Variants in SIN3B observed in about 807,000 individuals in gnomAD.
SIN3B encodes the protein paired amphipathic helix protein Sin3b.
A neutral mutation model predicts 120.2 loss-of-function variants in SIN3B; 19 were observed. The observed-to-expected ratio is 0.16, with a 90% CI of 0.11 to 0.23. The LOEUF (loss-of-function observed/expected upper bound fraction) is 0.23, where lower values mean the gene tolerates loss of function less well. Among genes scored for constraint, SIN3B ranks in the 10% least tolerant of loss-of-function variants. The probability of loss-of-function intolerance (pLI) is 1.00; values close to 1 mark genes in which losing one functional copy is unlikely to be tolerated. For synonymous variants in SIN3B, 654 were observed against 653.2 expected (o/e 1.00, Z -0.02); for missense variants, 1,073 against 1,573.0 (o/e 0.68, Z 5.38).
intron 3 of SIN3B, among the ~76,000 whole-genome samples, chr19:16,835,235 T>C (rs539054292): frequency 2.1e-4 from 31 of 150,444 alleles, no homozygotes; most frequent in Admixed American, 6.6e-4. Context: ...CATCTTTTTT[T>C]TTTTTTTTTT....
At chr19:16,871,436 C>T (rs919320086) in intron 14 of SIN3B, 38 bp downstream of exon 14, 21 of 1,555,232 alleles carry the variant, frequency 1.4e-5, no homozygotes, top group African/African-American at 5.4e-5. Context: ...CTGAGGACGG[C>T]GGAAATGGCT....
chr19:16,878,750 A>G lies in SIN3B; in HGVS notation c.*23A>G. The G allele has an allele frequency of 1.3e-6, 2 of 1,568,650 alleles. No homozygotes were observed. Among genetic ancestry groups the G allele is most frequent in the Non-Finnish European group, 1.7e-6 (2 of 1,161,278 alleles). On this transcript the variant is annotated 3_prime_UTR_variant, in exon 19 of 19. Coordinates refer to ENST00000248054, the MANE Select transcript of SIN3B (RefSeq NM_001297595.2). ...TGACCCGCCCTCATGGGCACCGGGC[A>G]GGCGCCTCACAGAGCACAGACGTGC...
In SIN3B at chr19:16,857,029, A is replaced by G. The variant is rs190421003; in HGVS notation, c.1058+2768A>G. On this transcript the variant is annotated intron_variant, in intron 8 of 18. Transcript: ENST00000248054. ...CCCCAAGATAACTTTGCCATGAAGC[A>G]TCTCATTTTTATTATTATTTTTGCA... 4.7e-3 allele frequency among the ~76,000 whole-genome samples: 712 copies of G among 152,316 alleles called. 3 individuals carry two copies. Among genetic ancestry groups the G allele is most frequent in the Middle Eastern group, 0.01 (3 of 294 alleles).
rs542449788 is a variant in SIN3B, at chr19:16,875,949, C to G, written c.2593-106C>G. On this transcript the variant is annotated intron_variant, in intron 14 of 18. Coordinates refer to ENST00000248054, the MANE Select transcript of SIN3B (RefSeq NM_001297595.2). ...GGTCTCTTCATCCCTGTGTCATGCA[C>G]TCTCCATCCTGATGTGTTTCTGGCC... 150 of 1,330,726 alleles carry G rather than the reference C, an allele frequency of 1.1e-4. No homozygotes were observed. In the African/African-American group the frequency reaches 1.9e-3, roughly 17 times the overall value. The allele number at this position is 1,330,726 out of a possible 1,614,324, so 82.4% of individuals were successfully genotyped here. A position where few individuals can be genotyped will look rare whatever the true frequency, so the allele number is the denominator to read the frequency against.
chr19:16,841,924 C>T lies in SIN3B; in HGVS notation c.538C>T (p.Pro180Ser). ...GATTAAAACCCGCTTCCTAGACCAC[C>T]CAGAAATCTACAGGTCATTCCTGGA... is the stretch of plus-strand genomic sequence containing the variant. ...NKIKTRFLDH[P>S]EIYRSFLEIL... is the part of the protein sequence containing the mutation. The change falls in exon 4 of 19, where the codon CCA (proline) becomes TCA (serine). Residue 180 changes from proline (P) to serine (S), a missense_variant. Physicochemically the swap from Pro to Ser is moderately conservative, Grantham distance 74. This residue lies in a region of SIN3B where 395 missense variants were observed against 528.0 expected (regional missense o/e 0.75). Transcript: ENST00000248054. 6.2e-7 allele frequency: 1 copy of T among 1,614,076 alleles called. No homozygotes were observed. The highest frequency in any genetic ancestry group is 8.5e-7 in the Non-Finnish European group (1 of 1,180,012).
intron 3 of SIN3B, among the ~76,000 whole-genome samples, chr19:16,832,779 C>T (rs951887333): frequency 2.0e-5 from 3 of 152,132 alleles, no homozygotes; most frequent in African/African-American, 7.2e-5. Flanking sequence ...GCTGGGATTA[C>T]AGGAGTGAGC....
In SIN3B at chr19:16,877,527, G is replaced by C. The variant is rs376635711; in HGVS notation, c.2860-18G>C. The C allele has an allele frequency of 1.8e-5, 29 of 1,584,650 alleles. No individual in the cohort carries two copies. The highest frequency in any genetic ancestry group is 5.3e-5 in the Admixed American group (3 of 56,422). On this transcript the variant is annotated intron_variant, in intron 16 of 18. Transcript: ENST00000248054. ...CTGCTGTAGGGGCATCACGGGCTGTGTCTCTCCCTGTCCCCAGCACCTGGC... is the reference window on the plus strand; with the variant it reads ...CTGCTGTAGGGGCATCACGGGCTGTCTCTCTCCCTGTCCCCAGCACCTGGC...
chr19:16,876,260 G>T lies in SIN3B; in HGVS notation c.2766+32G>T, dbSNP rs765477087. The T allele has an allele frequency of 2.5e-6, 4 of 1,590,226 alleles. No individual in the cohort carries two copies. Among genetic ancestry groups the T allele is most frequent in the Non-Finnish European group, 3.4e-6 (4 of 1,165,918 alleles). On this transcript the variant is annotated intron_variant, in intron 15 of 18. Transcript: ENST00000248054. The surrounding 1 kb of genome is among the most constrained non-coding windows in gnomAD (Gnocchi z 7.1). ...GGAGGCCTGGGGCTGGGAACACGCC[G>T]GGAGGCCCGGCCGCTCACTCCGCTC...
chr19:16,870,630 G>A lies in SIN3B; in HGVS notation c.2422+555G>A, dbSNP rs544867419. Among the ~76,000 whole-genome samples, 5 of 152,140 alleles carry A rather than the reference G, an allele frequency of 3.3e-5. No individual in the cohort carries two copies. In the East Asian group the frequency reaches 9.7e-4, roughly 29 times the overall value. ...CACAGTGGCATGATCTCGGCTCACT[G>A]CAGCCTCCGCCTCCCAGGTTCAAGC... is the stretch of plus-strand genomic sequence containing the variant. On this transcript the variant is annotated intron_variant, in intron 13 of 18. Transcript: ENST00000248054.
intron 14 of SIN3B, 52 bp downstream of exon 14, chr19:16,871,450 C>T: frequency 6.6e-7 from 1 of 1,525,968 alleles, no homozygotes; most frequent in South Asian, 1.3e-5. Flanking sequence ...AATGGCTCTA[C>T]CATCATTTCA....
rs748740998 is a variant in SIN3B at position 16,878,510 on chromosome 19, T to C, written c.3176T>C (p.Val1059Ala). The change falls in exon 19 of 19, where the codon GTC (valine) becomes GCC (alanine). Residue 1059 changes from valine (V) to alanine (A), a missense_variant. Physicochemically the swap from Val to Ala is moderately conservative, Grantham distance 64. This residue lies in a region of SIN3B where 311 missense variants were observed against 400.3 expected (regional missense o/e 0.78). Transcript: ENST00000248054. The part of the protein sequence containing the change: ...LCRAKQVQPL[V>A]LLRHHQHFEE... ...CCTCTTCAACAGGTGCAGCCCCTGG[T>C]CCTGCTCCGCCACCACCAGCACTTT... 1 of 1,576,216 alleles carries C rather than the reference T, an allele frequency of 6.3e-7. No homozygotes were observed. The highest frequency in any genetic ancestry group is 1.4e-5 in the African/African-American group (1 of 74,004).
chr19:16,830,218 T>G (rs1971262327), intron 2 of SIN3B, among the ~76,000 whole-genome samples: 1 of 152,196 alleles, frequency 6.6e-6, no homozygotes, highest in African/African-American at 2.4e-5. Context: ...CATGAAAGAT[T>G]TGGTGGGACC....
intron 4 of SIN3B, 56 bp from the exon 5 acceptor site, chr19:16,846,914 C>G: frequency 1.9e-6 from 3 of 1,573,096 alleles, no homozygotes; most frequent in Non-Finnish European, 2.6e-6. Flanking sequence ...TGTCCCGGCC[C>G]AGGGCACAGC....
intron 4 of SIN3B, among the ~76,000 whole-genome samples, chr19:16,843,614 A>C (rs1188249547): frequency 6.6e-6 from 1 of 152,192 alleles, no homozygotes; most frequent in Non-Finnish European, 1.5e-5. Context: ...CAGTCTGTGC[A>C]GTGGCTCTGT....
chr19:16,845,553 C>G (rs10406694), intron 4 of SIN3B, among the ~76,000 whole-genome samples: 70,087 of 151,786 alleles, frequency 0.46, 16,318 homozygotes, highest in Non-Finnish European at 0.48. Flanking sequence ...GATTACAGGC[C>G]TGAGCTACCG....
At chr19:16,836,818 G>A (rs772181391) in intron 3 of SIN3B, among the ~76,000 whole-genome samples, 1 of 152,150 alleles carries the variant, frequency 6.6e-6, no homozygotes, top group Non-Finnish European at 1.5e-5. Flanking sequence ...GCAGCCCCTC[G>A]ACATTCAAAG....
intron 8 of SIN3B, among the ~76,000 whole-genome samples, chr19:16,861,093 A>G (rs1410081692): frequency 6.6e-6 from 1 of 152,122 alleles, no homozygotes. Flanking sequence ...GGTCATTTGC[A>G]TTAAAGCCTT....
chr19:16,869,314 T>C (rs1971823309), intron 12 of SIN3B, 146 bp from the exon 13 acceptor site: 19 of 1,035,986 alleles, frequency 1.8e-5, no homozygotes, highest in Non-Finnish European at 2.6e-5. Context: ...CAGGCCCTGC[T>C]GCCTCACCGA....
chr19:16,829,480 G>A lies in SIN3B; in HGVS notation c.60G>A (p.Gly20=), dbSNP rs1007580361. 3.3e-5 allele frequency: 40 copies of A among 1,219,636 alleles called. No individual in the cohort carries two copies. The highest frequency in any genetic ancestry group is 3.9e-5 in the Non-Finnish European group (38 of 979,990). The allele number at this position is 1,219,636 out of a possible 1,614,324, so 75.6% of individuals were successfully genotyped here. ...GTGCCGGCGGCCCCGCGGGCCGGGG[G>A]CTGAGCGGCGCCCGCTGGGGTCGCT... ...GSGAGGPAGR[G]LSGARWGRSG... Residue 20 remains glycine (G), a synonymous_variant, in exon 1 of 19, where the codon GGG becomes GGA. Coordinates refer to ENST00000248054, the MANE Select transcript of SIN3B (RefSeq NM_001297595.2).
Sources: gnomAD v4.1 joint callset for allele counts (sites outside exome capture counted in the v4.1 genomes callset) on GRCh38, gnomAD v4.1.1 for gene constraint, gnomAD v4.1.1 regional missense constraint, Gnocchi (gnomAD v3.1) non-coding constraint, MANE v1.5 for transcripts, NCBI Gene and HGNC (gene_info 2026-07-23, HGNC 2026-07-21) for gene names.